The following KCNK2 variants were observed in gnomAD, a reference collection of about 807,000 sequenced individuals.
The protein encoded by KCNK2 is potassium two pore domain channel subfamily K member 2.
A neutral mutation model predicts 40.5 loss-of-function variants in KCNK2; 21 were observed. The ratio of observed to expected loss-of-function variants is 0.52; its 90% CI spans 0.37 to 0.75. KCNK2 has a LOEUF of 0.75. Ranked by LOEUF, KCNK2 falls within the 30% of genes least tolerant of loss-of-function variation. KCNK2 has a pLI of 0.00. For missense variants in KCNK2, 399 were observed against 531.6 expected (o/e 0.75, Z 2.45); for synonymous variants, 191 against 202.2 (o/e 0.94, Z 0.47).
At chr1:215,133,621 C>CT (rs367681412) in intron 3 of KCNK2, among the ~76,000 whole-genome samples, 1,648 of 141,188 alleles carry the variant, frequency 0.012, 12 homozygotes, top group African/African-American at 0.018. Flanking sequence ...CTTCCTAATT[C>CT]TTTTTTTTTT....
rs1204727047 is a variant in KCNK2 at position 215,055,527 on chromosome 1, G to A, written c.35-30841G>A. Reference sequence around the variant, plus strand: ...AAGGAACCTGCTTTTCTAGTTACTGGTTGAAGAGCTTTCATTTTATTATGA... The same window carrying A: ...AAGGAACCTGCTTTTCTAGTTACTGATTGAAGAGCTTTCATTTTATTATGA... On this transcript the variant is annotated intron_variant, in intron 1 of 6. Coordinates refer to the KCNK2 transcript ENST00000391895. Among the ~76,000 whole-genome samples the A allele has an allele frequency of 3.3e-5, 5 of 152,206 alleles. No homozygotes were observed. The East Asian group carries it at 9.6e-4, about 29-fold the overall frequency.
intron 6 of KCNK2, among the ~76,000 whole-genome samples, chr1:215,201,138 A>C (rs1368955139): frequency 6.6e-6 from 1 of 152,182 alleles, no homozygotes; most frequent in Non-Finnish European, 1.5e-5. Flanking sequence ...GAGACTATTT[A>C]GCAAATAATG....
chr1:215,208,065 T>C (rs1665393622), intron 6 of KCNK2, among the ~76,000 whole-genome samples: 1 of 152,154 alleles, frequency 6.6e-6, no homozygotes, highest in Non-Finnish European at 1.5e-5. Context: ...TAAAAACACA[T>C]GCAAGTGAAT....
At chr1:215,083,695 C>T (rs939005204) in intron 1 of KCNK2, 8 of 563,824 alleles carry the variant, frequency 1.4e-5, no homozygotes, top group Non-Finnish European at 2.5e-5. Context: ...GGGGGAGTTT[C>T]CCATGGAGAA....
At chr1:215,064,914 T>C (rs1306682866) in intron 1 of KCNK2, among the ~76,000 whole-genome samples, 2 of 152,228 alleles carry the variant, frequency 1.3e-5, no homozygotes, top group African/African-American at 4.8e-5. Context: ...TTCTTGTGTT[T>C]GTGGGATGTC....
intron 1 of KCNK2, among the ~76,000 whole-genome samples, chr1:215,067,571 C>T (rs1172520969): frequency 6.6e-6 from 1 of 152,072 alleles, no homozygotes; most frequent in African/African-American, 2.4e-5. Flanking sequence ...AGGTCAGAGT[C>T]ATGGCAAAAA....
chr1:215,149,751 G>T (rs954430582), intron 3 of KCNK2, among the ~76,000 whole-genome samples: 1 of 152,168 alleles, frequency 6.6e-6, no homozygotes, highest in South Asian at 2.1e-4. Flanking sequence ...AGTCACTAGT[G>T]GGATATCTTC....
chr1:215,036,340 G>A (rs1437811675), intron 1 of KCNK2, among the ~76,000 whole-genome samples: 1 of 151,858 alleles, frequency 6.6e-6, no homozygotes, highest in Admixed American at 6.6e-5. Flanking sequence ...GGTGAAACCA[G>A]TCATCTATCT....
At chr1:215,108,353 A>C (rs1027465211) in intron 2 of KCNK2, among the ~76,000 whole-genome samples, 1 of 152,178 alleles carries the variant, frequency 6.6e-6, no homozygotes, top group Non-Finnish European at 1.5e-5. Context: ...GCACTTGAGC[A>C]TCCACAGATT....
At chr1:215,165,272 C>G (rs1462536688) in intron 3 of KCNK2, among the ~76,000 whole-genome samples, 1 of 152,132 alleles carries the variant, frequency 6.6e-6, no homozygotes, top group Non-Finnish European at 1.5e-5. Context: ...AATCAGCTAG[C>G]CTGCATCTTT....
intron 2 of KCNK2, among the ~76,000 whole-genome samples, chr1:215,098,534 A>G (rs1301510790): frequency 6.6e-6 from 1 of 152,002 alleles, no homozygotes; most frequent in African/African-American, 2.4e-5. Flanking sequence ...ATTGTTAAAG[A>G]TCATGATGAT....
At chr1:215,044,795 A>ACGTG (rs1553257249) in intron 1 of KCNK2, among the ~76,000 whole-genome samples, 35 of 145,636 alleles carry the variant, frequency 2.4e-4, no homozygotes, top group Non-Finnish European at 4.0e-4. Context: ...GGATAAGTGT[A>ACGTG]TGTGTGTGTG....
chr1:215,169,802 T>C (rs1386184052), intron 4 of KCNK2, among the ~76,000 whole-genome samples: 1 of 151,948 alleles, frequency 6.6e-6, no homozygotes, highest in Non-Finnish European at 1.5e-5. Context: ...CCCGCCACCA[T>C]GCCTGGCTAA....
At chr1:215,209,995 AAT>A (rs1380117495) in intron 6 of KCNK2, among the ~76,000 whole-genome samples, 8 of 3,372 alleles carry the variant, frequency 2.4e-3, no homozygotes, top group African/African-American at 3.8e-3. Flanking sequence ...TATAATATAT[AAT>A]ATATATTATA....
chr1:215,130,737 A>T (rs2102588640), intron 3 of KCNK2, among the ~76,000 whole-genome samples: 1 of 152,344 alleles, frequency 6.6e-6, no homozygotes, highest in East Asian at 1.9e-4. Flanking sequence ...GGTAGCAGTG[A>T]GGAGGGTGAA....
intron 5 of KCNK2, among the ~76,000 whole-genome samples, chr1:215,182,882 A>C (rs146382987): frequency 4.6e-5 from 7 of 152,258 alleles, no homozygotes; most frequent in African/African-American, 1.4e-4. Flanking sequence ...AGTTAGTTCC[A>C]GGGCTTGGGA....
chr1:215,173,383 G>A (rs1271394754), intron 5 of KCNK2, among the ~76,000 whole-genome samples: 1 of 152,092 alleles, frequency 6.6e-6, no homozygotes, highest in South Asian at 2.1e-4. Context: ...TGGACATTTG[G>A]GTTGGTTCCA....
At chr1:215,034,949 T>C (rs1006913426) in intron 1 of KCNK2, among the ~76,000 whole-genome samples, 2 of 152,074 alleles carry the variant, frequency 1.3e-5, no homozygotes, top group African/African-American at 4.8e-5. Flanking sequence ...CCTCACCTAT[T>C]GCTTATTTGT....
intron 3 of KCNK2, among the ~76,000 whole-genome samples, chr1:215,131,368 A>C (rs1401297488): frequency 6.8e-6 from 1 of 147,020 alleles, no homozygotes. Flanking sequence ...TATATATTAC[A>C]TATTAATTTT....
Sources: gnomAD v4.1 joint callset for allele counts (sites outside exome capture counted in the v4.1 genomes callset) on GRCh38, gnomAD v4.1.1 for gene constraint, MANE v1.5 for transcripts, NCBI Gene and HGNC (gene_info 2026-07-23, HGNC 2026-07-21) for gene names.